Variants in SDK2 observed in about 807,000 individuals in gnomAD.
SDK2 encodes the protein sidekick cell adhesion molecule 2.
SDK2 carries 105 observed loss-of-function variants against 253.9 expected under a neutral mutation model. The ratio of observed to expected loss-of-function variants is 0.41; its 90% CI spans 0.35 to 0.49. SDK2 has a LOEUF of 0.49. SDK2 is among the 20% of genes least tolerant of loss of function. SDK2 has a pLI of 0.06. For synonymous variants in SDK2, 1,249 were observed against 1,234.9 expected (o/e 1.01, Z -0.24); for missense variants, 2,608 against 3,003.0 (o/e 0.87, Z 3.07).
chr17:73,407,884 GT>G (rs1167440859), intron 18 of SDK2, among the ~76,000 whole-genome samples: 3 of 152,092 alleles, frequency 2.0e-5, no homozygotes, highest in Non-Finnish European at 4.4e-5. Flanking sequence ...CAGCTACTAA[GT>G]CAAGAAGAAA....
At chr17:73,341,045 G>GTT (rs10541030) in intron 44 of SDK2, among the ~76,000 whole-genome samples, 27 of 131,700 alleles carry the variant, frequency 2.1e-4, no homozygotes, top group African/African-American at 6.4e-4. Context: ...CGGCTGGTCT[G>GTT]TTTTTTTTTT....
At chr17:73,573,609 C>T (rs938707640) in intron 1 of SDK2, among the ~76,000 whole-genome samples, 4 of 152,200 alleles carry the variant, frequency 2.6e-5, no homozygotes, top group African/African-American at 9.7e-5. Flanking sequence ...ACCCATGTTG[C>T]CATCACCCTG....
intron 3 of SDK2, among the ~76,000 whole-genome samples, chr17:73,457,303 C>T (rs2063535282): frequency 6.0e-5 from 3 of 49,912 alleles, no homozygotes; most frequent in South Asian, 1.1e-3. Context: ...CCCTCCCTCC[C>T]CCTCCCCCCC....
At position 73,445,029 on chromosome 17, in the gene SDK2, T is replaced by A. The variant is rs190516558; in HGVS notation, c.613+2586A>T. 4.0e-3 allele frequency among the ~76,000 whole-genome samples: 617 copies of A among 152,362 alleles called. 2 individuals are homozygous for A. The highest frequency in any genetic ancestry group is 0.017 in the Middle Eastern group (5 of 294). On this transcript the variant is annotated intron_variant, in intron 5 of 44. Transcript: ENST00000392650. Reference sequence around the variant, plus strand: ...CCCCAATTCAGTTATTAGAACACTTTTAAGCATGTACGGAACAACTTATGC... The same window carrying A: ...CCCCAATTCAGTTATTAGAACACTTATAAGCATGTACGGAACAACTTATGC...
chr17:73,352,644 G>A lies in SDK2; in HGVS notation c.5594-7C>T, dbSNP rs199515214. 41 of 1,613,284 alleles carry A rather than the reference G, an allele frequency of 2.5e-5. No homozygotes were observed. The African/African-American group carries it at 3.2e-4, about 13-fold the overall frequency. On this transcript the variant is annotated splice_polypyrimidine_tract_variant and splice_region_variant and intron_variant, in intron 40 of 44. Coordinates refer to ENST00000392650, the MANE Select transcript of SDK2 (RefSeq NM_001144952.2). The surrounding 1 kb of genome is among the most constrained non-coding windows in gnomAD (Gnocchi z 4.1). ...ATGTCCCATAGTCCCTCGTCTGCAGGAGCACAGAGATGGAGGCCCTGGGAG... is the reference window on the plus strand; with the variant it reads ...ATGTCCCATAGTCCCTCGTCTGCAGAAGCACAGAGATGGAGGCCCTGGGAG...
At chr17:73,365,504 C>G in intron 37 of SDK2, 109 bp from the exon 38 acceptor site, 1 of 1,183,964 alleles carries the variant, frequency 8.4e-7, no homozygotes. Context: ...CCGGGAGGAA[C>G]AAGAGCGTGG....
chr17:73,381,308 T>C lies in SDK2; in HGVS notation c.4706-358A>G, dbSNP rs79358180. ...GCTCCTGGAAACCAGCATGAAATAC[T>C]GGAGTCGTTAATTTCCTCATATGAA... On this transcript the variant is annotated intron_variant, in intron 33 of 44. Coordinates refer to ENST00000392650, the MANE Select transcript of SDK2 (RefSeq NM_001144952.2). Among the ~76,000 whole-genome samples, 1,388 of 152,238 alleles carry C rather than the reference T, an allele frequency of 9.1e-3. 37 individuals carry two copies. Among genetic ancestry groups the C allele is most frequent in the East Asian group, 0.087 (452 of 5,182 alleles).
At chr17:73,492,188 A>G (rs931220699) in intron 2 of SDK2, among the ~76,000 whole-genome samples, 5 of 152,118 alleles carry the variant, frequency 3.3e-5, no homozygotes, top group African/African-American at 1.2e-4. Context: ...GATGGGCACA[A>G]CTTCATGGCC....
intron 1 of SDK2, among the ~76,000 whole-genome samples, chr17:73,538,991 C>A (rs1380749382): frequency 1.3e-5 from 2 of 152,150 alleles, no homozygotes; most frequent in African/African-American, 2.4e-5. Context: ...CCTTTGTAGA[C>A]CCTGGGAGCA....
rs2063845801 is a variant in SDK2, at chr17:73,496,895, T to G, written c.224+10543A>C. Among the ~76,000 whole-genome samples, 1 of 152,180 alleles carries G rather than the reference T, an allele frequency of 6.6e-6. No homozygotes were observed. Among genetic ancestry groups the G allele is most frequent in the Non-Finnish European group, 1.5e-5 (1 of 68,040 alleles). ...CTAAATTGAGCTGACGATTTATTTA[T>G]TTGTTTTTATTTATGTTTTGAGATG... On this transcript the variant is annotated intron_variant, in intron 2 of 44. Transcript: ENST00000392650. The surrounding 1 kb of genome is among the most constrained non-coding windows in gnomAD (Gnocchi z 4.7).
intron 1 of SDK2, among the ~76,000 whole-genome samples, chr17:73,587,317 G>C (rs1805509488): frequency 6.6e-6 from 1 of 152,170 alleles, no homozygotes; most frequent in South Asian, 2.1e-4. Flanking sequence ...GTGGAGCCAG[G>C]AGCCTGGACG....
At chr17:73,393,435 C>A in intron 27 of SDK2, 125 bp downstream of exon 27, 1 of 787,286 alleles carries the variant, frequency 1.3e-6, no homozygotes, top group Non-Finnish European at 1.9e-6. Context: ...CCATCCCTAC[C>A]GGAGGCATCT....
intron 16 of SDK2, 31 bp from the exon 17 acceptor site, chr17:73,416,023 C>G (rs777731664): frequency 3.1e-6 from 5 of 1,590,268 alleles, no homozygotes; most frequent in Admixed American, 3.5e-5. Context: ...ACAGTGGAGT[C>G]AGAGTCAGCT....
chr17:73,490,040 C>G (rs989372511), intron 2 of SDK2, among the ~76,000 whole-genome samples: 5 of 152,186 alleles, frequency 3.3e-5, no homozygotes, highest in African/African-American at 1.2e-4. Context: ...TAGTTCACAG[C>G]AGACTTCTTA....
At chr17:73,484,895 C>T (rs1201712827) in intron 2 of SDK2, among the ~76,000 whole-genome samples, 2 of 152,190 alleles carry the variant, frequency 1.3e-5, no homozygotes, top group African/African-American at 2.4e-5. Flanking sequence ...CTCAAATGAT[C>T]CTCTTTCTTT....
rs764950234 is a variant in SDK2, at chr17:73,393,612, G to A, written c.3846C>T (p.Ile1282=). The A allele has an allele frequency of 6.9e-6, 11 of 1,587,052 alleles. No individual in the cohort carries two copies. The highest frequency in any genetic ancestry group is 2.7e-5 in the African/African-American group (2 of 74,446). ...YEVQVLAFTR[I]GDGSPSHPPI... ...GAGGGTGGCTGGGGCTGCCGTCCCC[G>A]ATGCGTGTGAAGGCCAGCACCTGGA... The change falls in exon 27 of 45, where the codon ATC becomes ATT. Residue 1282 remains isoleucine (I), a synonymous_variant. Coordinates refer to ENST00000392650, the MANE Select transcript of SDK2 (RefSeq NM_001144952.2).
chr17:73,422,441 G>A lies in SDK2; in HGVS notation c.1898-7C>T. 1 of 1,613,482 alleles carries A rather than the reference G, an allele frequency of 6.2e-7. No individual in the cohort carries two copies. Among genetic ancestry groups the A allele is most frequent in the Non-Finnish European group, 8.5e-7 (1 of 1,179,546 alleles). ...AGTACAGTCCAGGGGGCATCTGCAG[G>A]GACAGTGAGTGGGGCAGAAGTGGGT... On this transcript the variant is annotated splice_region_variant and splice_polypyrimidine_tract_variant and intron_variant, in intron 14 of 44. Coordinates refer to ENST00000392650, the MANE Select transcript of SDK2 (RefSeq NM_001144952.2).
intron 1 of SDK2, among the ~76,000 whole-genome samples, chr17:73,619,497 G>C (rs1388282411): frequency 6.6e-6 from 1 of 152,146 alleles, no homozygotes; most frequent in African/African-American, 2.4e-5. Context: ...GAAAAAACAT[G>C]TCTCTTCAAC....
chr17:73,397,491 G>T (rs2062981134), intron 24 of SDK2, among the ~76,000 whole-genome samples: 1 of 152,240 alleles, frequency 6.6e-6, no homozygotes, highest in Non-Finnish European at 1.5e-5. Context: ...ATCTGCAAAA[G>T]GGGGACCAGG....
Sources: allele counts gnomAD v4.1 joint callset (sites outside exome capture counted in the v4.1 genomes callset), GRCh38; gene constraint gnomAD v4.1.1; non-coding constraint Gnocchi (gnomAD v3.1); transcripts MANE v1.5; gene names NCBI Gene and HGNC (gene_info 2026-07-23, HGNC 2026-07-21).